Variants in UVRAG observed in about 807,000 individuals in gnomAD.
The protein encoded by UVRAG is UV radiation resistance associated.
In UVRAG, 19 loss-of-function variants were observed where a neutral mutation model predicts 78.0. That is an observed-to-expected ratio of 0.24 (90% CI 0.17 to 0.36). UVRAG has a LOEUF of 0.36. UVRAG is among the 10% of genes least tolerant of loss of function. The pLI, the probability that UVRAG is intolerant of heterozygous loss-of-function variation, is 1.00. For missense variants in UVRAG, 740 were observed against 853.8 expected (o/e 0.87, Z 1.66); for synonymous variants, 323 against 324.6 (o/e 1.00, Z 0.05).
chr11:76,085,351 G>T (rs1209438167), intron 13 of UVRAG, among the ~76,000 whole-genome samples: 1 of 152,060 alleles, frequency 6.6e-6, no homozygotes, highest in Non-Finnish European at 1.5e-5. Context: ...AGTATAAATT[G>T]TGCTGGGATT....
At chr11:76,103,969 C>T (rs968648618) in intron 13 of UVRAG, among the ~76,000 whole-genome samples, 7 of 149,554 alleles carry the variant, frequency 4.7e-5, no homozygotes, top group Non-Finnish European at 8.9e-5. Flanking sequence ...AAAAAAAAAA[C>T]ACTTGAGGGT....
intron 13 of UVRAG, among the ~76,000 whole-genome samples, chr11:76,085,332 A>G (rs1036827834): frequency 1.3e-5 from 2 of 152,256 alleles, no homozygotes; most frequent in East Asian, 3.9e-4. Flanking sequence ...AACTTTTTTT[A>G]ACAATTAAAG....
intron 14 of UVRAG, among the ~76,000 whole-genome samples, chr11:76,127,165 T>C (rs931849807): frequency 4.6e-5 from 7 of 152,248 alleles, no homozygotes; most frequent in African/African-American, 1.7e-4. Flanking sequence ...CATCTCTTTA[T>C]TTCCAGAGCC....
At chr11:75,908,207 A>G (rs1454917550) in intron 5 of UVRAG, among the ~76,000 whole-genome samples, 1 of 152,188 alleles carries the variant, frequency 6.6e-6, no homozygotes, top group African/African-American at 2.4e-5. Context: ...TTCACTTAAT[A>G]TAATGTCCTC....
intron 2 of UVRAG, among the ~76,000 whole-genome samples, 167 bp from the exon 3 acceptor site, chr11:75,861,579 A>G (rs1946423127): frequency 7.0e-6 from 1 of 142,808 alleles, no homozygotes; most frequent in Admixed American, 6.7e-5. Context: ...CTTTCATTGA[A>G]TTTTTACTTT....
Position 76,060,533 on chromosome 11 carries a change from C to T in UVRAG, c.1227-5177C>T, listed in dbSNP as rs550967626. On this transcript the variant is annotated intron_variant, in intron 12 of 14. Coordinates refer to ENST00000356136, the MANE Select transcript of UVRAG (RefSeq NM_003369.4). ...TTTCTGGGCTGGCCAAGGCCGGAGC[C>T]GGCTCCTTCAGCTTGCAGGGAGGTG... 3.5e-4 allele frequency among the ~76,000 whole-genome samples: 53 copies of T among 152,372 alleles called. No individual in the cohort carries two copies. The East Asian group carries it at 3.9e-3, about 11-fold the overall frequency.
chr11:75,964,670 A>G (rs1948977619), intron 7 of UVRAG, among the ~76,000 whole-genome samples: 1 of 152,202 alleles, frequency 6.6e-6, no homozygotes, highest in South Asian at 2.1e-4. Flanking sequence ...TGGGAGGCCA[A>G]GGCAGGTGGA....
Position 76,005,212 on chromosome 11 carries a change from G to A in UVRAG, c.911+1123G>A, listed in dbSNP as rs950919082. On this transcript the variant is annotated intron_variant, in intron 9 of 14. Coordinates refer to ENST00000356136, the MANE Select transcript of UVRAG (RefSeq NM_003369.4). The stretch of plus-strand genomic sequence containing the variant: ...CAAAAAATTAGCCAGGTGTGGTGGC[G>A]GATGCCTATAGTCCCAGCTACTCGG... Among the ~76,000 whole-genome samples the A allele has an allele frequency of 7.2e-5, 11 of 152,196 alleles. No homozygotes were observed. The East Asian group carries it at 7.8e-4, about 11-fold the overall frequency.
At chr11:75,986,634 C>A (rs1458728984) in intron 8 of UVRAG, among the ~76,000 whole-genome samples, 2 of 152,044 alleles carry the variant, frequency 1.3e-5, no homozygotes, top group Non-Finnish European at 2.9e-5. Flanking sequence ...AATTCCCATA[C>A]CATATAATTT....
chr11:76,100,405 A>G (rs996590386), intron 13 of UVRAG, among the ~76,000 whole-genome samples: 4 of 152,138 alleles, frequency 2.6e-5, no homozygotes, highest in African/African-American at 4.8e-5. Flanking sequence ...GTTTATTGGA[A>G]GTGTTGATGA....
intron 1 of UVRAG, among the ~76,000 whole-genome samples, chr11:75,844,194 T>C (rs765197148): frequency 6.6e-6 from 1 of 152,072 alleles, no homozygotes; most frequent in African/African-American, 2.4e-5. Flanking sequence ...TTGTTTGTAT[T>C]CTACCGTTAA....
intron 4 of UVRAG, among the ~76,000 whole-genome samples, chr11:75,882,419 G>A (rs922643710): frequency 2.6e-5 from 4 of 151,938 alleles, no homozygotes; most frequent in Admixed American, 2.0e-4. Flanking sequence ...AGGCTGAGGT[G>A]GGAGAATTGC....
intron 14 of UVRAG, among the ~76,000 whole-genome samples, chr11:76,140,112 CCTCT>C (rs745755879): frequency 0.031 from 348 of 11,272 alleles, 13 homozygotes; most frequent in East Asian, 0.091. Flanking sequence ...TCCCTCCCTC[CCTCT>C]CTCTCTCTCT....
intron 11 of UVRAG, among the ~76,000 whole-genome samples, chr11:76,011,009 A>C (rs982996237): frequency 6.6e-6 from 1 of 152,216 alleles, no homozygotes; most frequent in Non-Finnish European, 1.5e-5. Context: ...GGGCAGTCAG[A>C]GAAGTAGGAA....
At chr11:76,076,654 C>G (rs1951409400) in intron 13 of UVRAG, among the ~76,000 whole-genome samples, 1 of 152,066 alleles carries the variant, frequency 6.6e-6, no homozygotes, top group South Asian at 2.1e-4. Context: ...TATAGCCATC[C>G]TACTAGTTGT....
intron 12 of UVRAG, among the ~76,000 whole-genome samples, chr11:76,037,589 T>G (rs1332036987): frequency 6.7e-6 from 1 of 148,566 alleles, no homozygotes; most frequent in Non-Finnish European, 1.5e-5. Context: ...GGCATACCTG[T>G]AAGTCCCAGC....
At chr11:75,918,289 G>A (rs1471462059) in intron 6 of UVRAG, among the ~76,000 whole-genome samples, 3 of 150,902 alleles carry the variant, frequency 2.0e-5, no homozygotes, top group Non-Finnish European at 2.9e-5. Flanking sequence ...TAAGGCAGGA[G>A]AATGGCGTGA....
At position 75,968,966 on chromosome 11, in the gene UVRAG, CT is replaced by C. The variant is rs1354575882; in HGVS notation, c.699+7424del. ...CTTTCATAATAAACAGCCTCATTGACTTTTTTTCCAATTATTTTTGTGGTAA... is the reference window on the plus strand; with the variant it reads ...CTTTCATAATAAACAGCCTCATTGACTTTTTTCCAATTATTTTTGTGGTAA... On this transcript the variant is annotated intron_variant, in intron 7 of 14. Coordinates refer to ENST00000356136, the MANE Select transcript of UVRAG (RefSeq NM_003369.4). Among the ~76,000 whole-genome samples, 11 of 152,100 alleles carry C rather than the reference CT, an allele frequency of 7.2e-5. No homozygotes were observed. The South Asian group carries it at 1.0e-3, about 14-fold the overall frequency.
At chr11:75,949,714 T>TACACACACACGC (rs1555093475) in intron 6 of UVRAG, among the ~76,000 whole-genome samples, 1 of 136,870 alleles carries the variant, frequency 7.3e-6, no homozygotes, top group African/African-American at 2.9e-5. Flanking sequence ...TATATATATA[T>TACACACACACGC]ACACACACAC....
Sources: allele counts gnomAD v4.1 joint callset (sites outside exome capture counted in the v4.1 genomes callset), GRCh38; gene constraint gnomAD v4.1.1; transcripts MANE v1.5; gene names NCBI Gene and HGNC (gene_info 2026-07-23, HGNC 2026-07-21).